Variants in KYNU observed in about 807,000 individuals in gnomAD.
KYNU encodes kynureninase, also known as L-kynurenine hydrolase.
KYNU carries 54 observed loss-of-function variants against 59.2 expected under a neutral mutation model. The ratio of observed to expected loss-of-function variants is 0.91; its 90% CI spans 0.73 to 1.14. The LOEUF is 1.14. Among genes scored for constraint, KYNU ranks in the 50% most tolerant of loss-of-function variants. The pLI is 0.00. For synonymous variants in KYNU, 177 were observed against 192.0 expected, an observed-to-expected ratio of 0.92 and a Z score of 0.65; for missense variants, 567 against 554.4, an observed-to-expected ratio of 1.02 and a Z score of -0.23.
intron 2 of KYNU, among the ~76,000 whole-genome samples, chr2:142,914,526 C>G (rs1303880360): frequency 6.6e-6 from 1 of 152,168 alleles, no homozygotes; most frequent in Non-Finnish European, 1.5e-5. Context: ...TTCACAGATA[C>G]TGCATTTTTT....
At chr2:142,882,219 A>G (rs1268956809) in intron 1 of KYNU, among the ~76,000 whole-genome samples, 1 of 151,862 alleles carries the variant, frequency 6.6e-6, no homozygotes, top group Non-Finnish European at 1.5e-5. Flanking sequence ...TCTCCAAACT[A>G]CATCATAAAT....
intron 9 of KYNU, among the ~76,000 whole-genome samples, 172 bp downstream of exon 9, chr2:142,985,354 A>G (rs1685168846): frequency 6.6e-6 from 1 of 151,940 alleles, no homozygotes. Flanking sequence ...ATGATAATTA[A>G]TATAATTCTA....
At position 142,898,079 on chromosome 2, in the gene KYNU, T is replaced by A. The variant is rs548371856; in HGVS notation, c.169+12543T>A. 2.0e-3 allele frequency among the ~76,000 whole-genome samples: 301 copies of A among 152,034 alleles called. 3 individuals are homozygous for A. The highest frequency in any genetic ancestry group is 4.4e-4 in the Non-Finnish European group (30 of 67,968). ...ACCATGTCTGGCTAATTTTTAAAAA[T>A]TTTTCCCCAGGCTCAGTGTCCAGCT... On this transcript the variant is annotated intron_variant, in intron 2 of 13. Transcript: ENST00000264170.
chr2:142,941,718 G>A (rs548971720), intron 4 of KYNU, among the ~76,000 whole-genome samples: 18 of 152,256 alleles, frequency 1.2e-4, no homozygotes, highest in African/African-American at 4.3e-4. Flanking sequence ...GACCTGACCC[G>A]TAGGTAATTT....
chr2:142,925,404 T>TA (rs1391024494), intron 3 of KYNU, among the ~76,000 whole-genome samples: 1 of 152,228 alleles, frequency 6.6e-6, no homozygotes, highest in African/African-American at 2.4e-5. Context: ...ATAGAAATGT[T>TA]AGTTTAAAAA....
chr2:142,917,458 C>T (rs1398864057), intron 2 of KYNU, among the ~76,000 whole-genome samples: 1 of 132,892 alleles, frequency 7.5e-6, no homozygotes, highest in Non-Finnish European at 1.7e-5. Flanking sequence ...ATGTGATAAC[C>T]TTTTATTAAA....
At chr2:143,001,922 G>A (rs73964621) in intron 10 of KYNU, among the ~76,000 whole-genome samples, 9,268 of 152,238 alleles carry the variant, frequency 0.061, 309 homozygotes, top group South Asian at 0.092. Context: ...ATGTGCAGAA[G>A]CTTTGCTAAA....
chr2:142,900,475 C>T (rs1055998719), intron 2 of KYNU, among the ~76,000 whole-genome samples: 15 of 152,172 alleles, frequency 9.9e-5, no homozygotes, highest in African/African-American at 3.4e-4. Context: ...CATTATCCCT[C>T]CCCCTGTGCT....
At chr2:142,996,492 G>A (rs1685549748) in intron 10 of KYNU, among the ~76,000 whole-genome samples, 1 of 152,100 alleles carries the variant, frequency 6.6e-6, no homozygotes, top group Non-Finnish European at 1.5e-5. Flanking sequence ...GGGGATACAG[G>A]CATGAATGAG....
At chr2:142,967,139 T>C (rs1204756210) in intron 8 of KYNU, among the ~76,000 whole-genome samples, 2 of 152,134 alleles carry the variant, frequency 1.3e-5, no homozygotes, top group East Asian at 3.8e-4. Flanking sequence ...CTTTCTAATT[T>C]CATCTAAAGT....
In KYNU at chr2:143,040,626, G is replaced by A. The variant is rs767041730; in HGVS notation, c.1240G>A (p.Val414Ile). 1 of 1,607,166 alleles carries A rather than the reference G, an allele frequency of 6.2e-7. No homozygotes were observed. Among genetic ancestry groups the A allele is most frequent in the South Asian group, 1.1e-5 (1 of 90,166 alleles). ...AACATTTTCTGTTCCAAACAAAGAT[G>A]TTTTCCAAGAACTAGAAAAAAGAGG... ...TITFSVPNKD[V>I]FQELEKRGVV... Residue 414 changes from valine to isoleucine, a missense_variant, in exon 13 of 14, where the codon GTT (valine) becomes ATT (isoleucine). Physicochemically the swap from Val to Ile is conservative, Grantham distance 29. Coordinates refer to ENST00000264170, the MANE Select transcript of KYNU (RefSeq NM_003937.3).
intron 1 of KYNU, among the ~76,000 whole-genome samples, chr2:142,878,564 T>A (rs1410855847): frequency 6.6e-6 from 1 of 152,198 alleles, no homozygotes; most frequent in Non-Finnish European, 1.5e-5. Context: ...TTTGCTTATT[T>A]CAGGCATGAA....
intron 3 of KYNU, among the ~76,000 whole-genome samples, chr2:142,926,253 A>G (rs899644228): frequency 1.3e-5 from 2 of 152,130 alleles, no homozygotes; most frequent in Admixed American, 6.5e-5. Flanking sequence ...CGTTCTGCAC[A>G]TGTATCCCAG....
At chr2:142,920,399 A>C (rs1256807307) in intron 3 of KYNU, among the ~76,000 whole-genome samples, 1 of 152,190 alleles carries the variant, frequency 6.6e-6, no homozygotes, top group Non-Finnish European at 1.5e-5. Flanking sequence ...AACTTTATAG[A>C]GTGTCCTTGC....
At chr2:143,028,171 A>G (rs1285528895) in intron 10 of KYNU, among the ~76,000 whole-genome samples, 2 of 147,768 alleles carry the variant, frequency 1.4e-5, no homozygotes, top group Non-Finnish European at 3.0e-5. Flanking sequence ...AGTCTTTTTC[A>G]TGTAATATAT....
intron 1 of KYNU, among the ~76,000 whole-genome samples, chr2:142,880,864 TG>T (rs1334029719): frequency 6.6e-6 from 1 of 152,228 alleles, no homozygotes; most frequent in Non-Finnish European, 1.5e-5. Context: ...AAGCTATGTG[TG>T]GGGAGCCATT....
intron 2 of KYNU, among the ~76,000 whole-genome samples, chr2:142,912,251 G>A (rs1265399939): frequency 6.6e-6 from 1 of 151,594 alleles, no homozygotes; most frequent in African/African-American, 2.4e-5. Context: ...CAGGGTCTTA[G>A]TTTCTACCTG....
Position 142,964,973 on chromosome 2 carries a change from T to A in KYNU, c.729+4203T>A, listed in dbSNP as rs117224656. Among the ~76,000 whole-genome samples the A allele has an allele frequency of 1.0e-3, 152 of 152,292 alleles. 2 individuals carry two copies. The East Asian group carries it at 0.027, about 27-fold the overall frequency. ...CTGTCTTACTTCCATGTTTCTATAT[T>A]TTTCATATTCTGTTACTTGTTTCTA... On this transcript the variant is annotated intron_variant, in intron 8 of 13. Coordinates refer to ENST00000264170, the MANE Select transcript of KYNU (RefSeq NM_003937.3).
At chr2:142,938,323 G>A (rs553887240) in intron 4 of KYNU, among the ~76,000 whole-genome samples, 1 of 152,270 alleles carries the variant, frequency 6.6e-6, no homozygotes, top group South Asian at 2.1e-4. Flanking sequence ...GTATAATTGA[G>A]CAAAGAACGA....
Sources: allele counts gnomAD v4.1 joint callset (sites outside exome capture counted in the v4.1 genomes callset), GRCh38; gene constraint gnomAD v4.1.1; transcripts MANE v1.5; gene names NCBI Gene and HGNC (gene_info 2026-07-23, HGNC 2026-07-21).